The following GADL1 variants were observed in gnomAD, a reference collection of about 807,000 sequenced individuals.
GADL1 encodes GAD like acidic amino acid decarboxylase 1, also known as acidic amino acid decarboxylase GADL1.
In GADL1, 71 loss-of-function variants were observed where a neutral mutation model predicts 69.5. The ratio of observed to expected loss-of-function variants is 1.02; its 90% CI spans 0.84 to 1.25. The LOEUF (loss-of-function observed/expected upper bound fraction) is 1.25, where lower values mean the gene tolerates loss of function less well. GADL1 is among the 50% of genes most tolerant of loss of function. The pLI is 0.00. For missense variants in GADL1, 737 were observed against 631.8 expected (o/e 1.17, Z -1.79); for synonymous variants, 254 against 214.4 (o/e 1.18, Z -1.62).
At chr3:30,838,921 G>C in intron 9 of GADL1, 76 bp downstream of exon 9, 1 of 866,988 alleles carries the variant, frequency 1.2e-6, no homozygotes, top group Non-Finnish European at 1.8e-6. Flanking sequence ...TCTAGTTTCT[G>C]AGAATAAGAA....
chr3:30,889,804 A>G (rs1302429027), intron 1 of GADL1, among the ~76,000 whole-genome samples: 3 of 152,360 alleles, frequency 2.0e-5, no homozygotes, highest in East Asian at 1.9e-4. Context: ...GTGGTACAGT[A>G]TAAGTGATCT....
At chr3:30,859,186 G>A (rs1303296291) in intron 2 of GADL1, among the ~76,000 whole-genome samples, 4 of 152,030 alleles carry the variant, frequency 2.6e-5, no homozygotes, top group South Asian at 4.1e-4. Context: ...CTGTGGAGGG[G>A]AGGAGAGAGA....
chr3:30,803,679 A>G (rs1216683276), intron 11 of GADL1, among the ~76,000 whole-genome samples: 1 of 152,226 alleles, frequency 6.6e-6, no homozygotes, highest in Admixed American at 6.5e-5. Context: ...TGCCTTGGGA[A>G]GGTTTCCTAA....
chr3:30,881,251 C>T (rs980483668), intron 1 of GADL1, among the ~76,000 whole-genome samples: 2 of 151,942 alleles, frequency 1.3e-5, no homozygotes, highest in African/African-American at 4.8e-5. Context: ...ATGCAAGCTT[C>T]CTATCTGACA....
intron 14 of GADL1, among the ~76,000 whole-genome samples, chr3:30,735,193 G>A (rs2125470330): frequency 6.7e-6 from 1 of 149,590 alleles, no homozygotes. Context: ...TGTGTAGAAG[G>A]GGTCACACTA....
At chr3:30,817,468 T>C (rs1697495948) in intron 11 of GADL1, among the ~76,000 whole-genome samples, 1 of 152,192 alleles carries the variant, frequency 6.6e-6, no homozygotes, top group African/African-American at 2.4e-5. Flanking sequence ...CTTTTAGATT[T>C]CAATTGAACT....
In GADL1 at chr3:30,807,956, C is replaced by T. The variant is rs545921140; in HGVS notation, c.1051-6868G>A. On this transcript the variant is annotated intron_variant, in intron 11 of 14. Coordinates refer to ENST00000282538, the MANE Select transcript of GADL1 (RefSeq NM_207359.3). ...CTGAGGCAGAAGAATCGTTTGAACC[C>T]GGGAGGTGGAGATTGCAGTGAGCCG... Among the ~76,000 whole-genome samples, 20 of 135,388 alleles carry T rather than the reference C, an allele frequency of 1.5e-4. No individual in the cohort carries two copies. The East Asian group carries it at 4.0e-3, about 27-fold the overall frequency. The allele number at this position is 135,388 out of a possible 152,430, so 88.8% of individuals were successfully genotyped here.
At chr3:30,824,892 T>C (rs1433151206) in intron 11 of GADL1, among the ~76,000 whole-genome samples, 2 of 151,926 alleles carry the variant, frequency 1.3e-5, no homozygotes, top group Non-Finnish European at 2.9e-5. Flanking sequence ...ATCAAGCTGT[T>C]CATTTATTTT....
intron 4 of GADL1, among the ~76,000 whole-genome samples, chr3:30,853,471 A>G (rs1310600740): frequency 1.3e-5 from 2 of 152,290 alleles, no homozygotes; most frequent in East Asian, 3.9e-4. Context: ...TACCTTTCAT[A>G]TAGACATCAG....
At chr3:30,752,697 CTG>C (rs1160794705) in intron 14 of GADL1, among the ~76,000 whole-genome samples, 1 of 152,192 alleles carries the variant, frequency 6.6e-6, no homozygotes, top group Non-Finnish European at 1.5e-5. Context: ...GAGAAAGTGA[CTG>C]TTCTAGAGGA....
chr3:30,839,104 G>A lies in GADL1; in HGVS notation c.796C>T (p.Pro266Ser). The stretch of plus-strand genomic sequence containing the variant: ...CCAGAAGTGGCACAGACAAGAAACG[G>A]TGCTGCCCCCTGTAAGAAGGATCCA... ...VWQARKEGAA[P>S]FLVCATSGTT... The change falls in exon 9 of 15, where the codon CCG becomes TCG. Residue 266 changes from proline to serine, a missense_variant. By Grantham distance (74) the Pro-to-Ser change is moderately conservative. Transcript: ENST00000282538. 6.3e-7 allele frequency: 1 copy of A among 1,584,100 alleles called. No homozygotes were observed.
intron 9 of GADL1, among the ~76,000 whole-genome samples, chr3:30,838,589 T>C (rs1478934452): frequency 1.3e-5 from 2 of 152,080 alleles, no homozygotes; most frequent in Non-Finnish European, 2.9e-5. Context: ...ACAGCCCACA[T>C]CTACCATCCC....
Position 30,803,566 on chromosome 3 carries a change from A to G in GADL1, c.1051-2478T>C, listed in dbSNP as rs192471601. On this transcript the variant is annotated intron_variant, in intron 11 of 14. Transcript: ENST00000282538. ...CATCCATTATCAGAAGACAAATTGT[A>G]TCATCATAAGCAAGTGGAGAACAAG... 2.6e-3 allele frequency among the ~76,000 whole-genome samples: 399 copies of G among 152,366 alleles called. 3 individuals carry two copies. Among genetic ancestry groups the G allele is most frequent in the African/African-American group, 9.2e-3 (383 of 41,588 alleles).
chr3:30,761,294 TCC>T (rs1246555996), intron 14 of GADL1, among the ~76,000 whole-genome samples: 2 of 50,594 alleles, frequency 4.0e-5, no homozygotes, highest in East Asian at 4.5e-4. Flanking sequence ...CTCTCAGAGC[TCC>T]TCAACAAGCT....
rs187864678 is a variant in GADL1, at chr3:30,829,149, G to T, written c.1050+4704C>A. Among the ~76,000 whole-genome samples, 487 of 146,308 alleles carry T rather than the reference G, an allele frequency of 3.3e-3. 4 individuals carry two copies. The highest frequency in any genetic ancestry group is 0.012 in the African/African-American group (463 of 39,728). The stretch of plus-strand genomic sequence containing the variant: ...GATCCAAAACAGCCACGCAAATCCC[G>T]CATTTACCTCTGAAGTCAACCTATT... On this transcript the variant is annotated intron_variant, in intron 11 of 14. Transcript: ENST00000282538.
At position 30,861,668 on chromosome 3, in the gene GADL1, T is replaced by C. The variant is rs1313092862; in HGVS notation, c.135A>G (p.Gly45=). 6.4e-7 allele frequency: 1 copy of C among 1,550,542 alleles called. No individual in the cohort carries two copies. Residue 45 remains glycine, a synonymous_variant, in exon 2 of 15, where the codon GGA becomes GGG. Transcript: ENST00000282538. ...TACAGGCCTCTTCAACAAATTTTTCTCCAGCTTTTGCATCTGTTGTAGGAC... is the reference window on the plus strand; with the variant it reads ...TACAGGCCTCTTCAACAAATTTTTCCCCAGCTTTTGCATCTGTTGTAGGAC... The part of the protein sequence containing the change: ...LNGPTTDAKA[G]EKFVEEACRL...
chr3:30,837,651 C>A (rs1697895168), intron 9 of GADL1, among the ~76,000 whole-genome samples: 1 of 152,068 alleles, frequency 6.6e-6, no homozygotes, highest in Non-Finnish European at 1.5e-5. Context: ...ACTACATAAA[C>A]TATATAATCC....
intron 8 of GADL1, among the ~76,000 whole-genome samples, chr3:30,842,821 T>TC: frequency 1.5e-5 from 1 of 66,468 alleles, no homozygotes; most frequent in Non-Finnish European, 2.7e-5. Flanking sequence ...ATTGGAATGT[T>TC]TAAAAAAAAA....
In GADL1 at chr3:30,800,871, AG is replaced by A. The variant is rs1697147595; in HGVS notation, c.1250+17del. The stretch of plus-strand genomic sequence containing the variant: ...CACACAGAAAGAGAGAGAGAGAGAG[AG>A]AGAGAGAGGCTAGTACCTAGATAAA... On this transcript the variant is annotated intron_variant, in intron 12 of 14. Transcript: ENST00000282538. The A allele has an allele frequency of 6.3e-7, 1 of 1,583,002 alleles. No individual in the cohort carries two copies. The highest frequency in any genetic ancestry group is 1.3e-5 in the African/African-American group (1 of 74,390).
Sources: allele counts gnomAD v4.1 joint callset (sites outside exome capture counted in the v4.1 genomes callset), GRCh38; gene constraint gnomAD v4.1.1; transcripts MANE v1.5; gene names NCBI Gene and HGNC (gene_info 2026-07-23, HGNC 2026-07-21).